Variants in CFAP20DC observed in about 807,000 individuals in gnomAD.
CFAP20DC encodes CFAP20 domain containing.
In CFAP20DC, 84 loss-of-function variants were observed where a neutral mutation model predicts 101.7. That is an observed-to-expected ratio of 0.83 (90% confidence interval 0.69 to 0.99). The LOEUF (loss-of-function observed/expected upper bound fraction) is 0.99. Among genes scored for constraint, CFAP20DC ranks in the 50% least tolerant of loss-of-function variants. The pLI, the probability that CFAP20DC is intolerant of heterozygous loss-of-function variation, is 0.00. For synonymous variants in CFAP20DC, 359 were observed against 351.2 expected (o/e 1.02, Z -0.25); for missense variants, 1,007 against 970.3 (o/e 1.04, Z -0.50).
chr3:58,863,447 T>C lies in CFAP20DC; in HGVS notation c.1593+111A>G. 1 of 1,496,096 alleles carries C rather than the reference T, an allele frequency of 6.7e-7. No homozygotes were observed. Among genetic ancestry groups the C allele is most frequent in the Non-Finnish European group, 8.9e-7 (1 of 1,125,368 alleles). The allele number at this position is 1,496,096 out of a possible 1,614,324, so 92.7% of individuals were successfully genotyped here. ...GGACTGACATGGCAATCTGTTGCAT[T>C]TTTATAAATAGCAGTTGATTTTCCC... On this transcript the variant is annotated intron_variant, in intron 12 of 16. Coordinates refer to ENST00000482387, the MANE Select transcript of CFAP20DC (RefSeq NM_001394063.1). This position sits in a 1 kb window ranked among gnomAD's most constrained non-coding sequence, Gnocchi z 5.9.
intron 12 of CFAP20DC, among the ~76,000 whole-genome samples, chr3:58,851,605 A>G (rs1342446233): frequency 6.6e-6 from 1 of 152,180 alleles, no homozygotes; most frequent in Non-Finnish European, 1.5e-5. Context: ...AAAAATATAA[A>G]CTTTATTTCT....
Position 58,795,325 on chromosome 3 carries a change from C to T in CFAP20DC, c.2237+11070G>A, listed in dbSNP as rs563873595. Among the ~76,000 whole-genome samples, 81 of 152,308 alleles carry T rather than the reference C, an allele frequency of 5.3e-4. 1 individual carries two copies. Among genetic ancestry groups the T allele is most frequent in the African/African-American group, 1.9e-3 (79 of 41,558 alleles). On this transcript the variant is annotated intron_variant, in intron 15 of 16. Transcript: ENST00000482387. The surrounding 1 kb of genome is among the most constrained non-coding windows in gnomAD (Gnocchi z 4.2). Reference sequence around the variant, plus strand: ...GAGGCTTCAGTAATCTCAGGAGCCCCGCTCTCCACTGGTTAAAGATGTCAA... The same window carrying T: ...GAGGCTTCAGTAATCTCAGGAGCCCTGCTCTCCACTGGTTAAAGATGTCAA...
chr3:58,759,980 C>G (rs1227353276), intron 15 of CFAP20DC, among the ~76,000 whole-genome samples: 2 of 152,116 alleles, frequency 1.3e-5, no homozygotes, highest in Non-Finnish European at 2.9e-5. Context: ...ATGCCTCCAG[C>G]TTTGTTCTTT....
chr3:58,995,476 G>A (rs2093088144), intron 4 of CFAP20DC, among the ~76,000 whole-genome samples: 1 of 151,626 alleles, frequency 6.6e-6, no homozygotes, highest in African/African-American at 2.4e-5. Context: ...ATTTTGAGTA[G>A]AAAAAAATCT....
intron 14 of CFAP20DC, among the ~76,000 whole-genome samples, chr3:58,825,110 T>A (rs1219006052): frequency 6.6e-6 from 1 of 152,026 alleles, no homozygotes; most frequent in East Asian, 1.9e-4. Flanking sequence ...ATGAAGGAGT[T>A]TATTTGGAAG....
chr3:58,826,634 C>G (rs2076059525), intron 14 of CFAP20DC, among the ~76,000 whole-genome samples: 1 of 152,196 alleles, frequency 6.6e-6, no homozygotes. Flanking sequence ...AGGACCTAAA[C>G]TCATCCGTAA....
chr3:58,870,493 T>C (rs1455267793), intron 7 of CFAP20DC, among the ~76,000 whole-genome samples, 184 bp from the exon 8 acceptor site: 1 of 150,208 alleles, frequency 6.7e-6, no homozygotes, highest in East Asian at 2.0e-4. Context: ...ACGTATAGAA[T>C]TAGGATCTCG....
At chr3:58,817,404 A>C (rs2107859617) in intron 14 of CFAP20DC, among the ~76,000 whole-genome samples, 1 of 150,588 alleles carries the variant, frequency 6.6e-6, no homozygotes, top group East Asian at 1.9e-4. Flanking sequence ...AAAATTTAGA[A>C]GAATGTATAA....
intron 15 of CFAP20DC, among the ~76,000 whole-genome samples, chr3:58,759,531 C>T (rs374043280): frequency 2.0e-5 from 3 of 152,138 alleles, no homozygotes; most frequent in Non-Finnish European, 2.9e-5. Flanking sequence ...AGAAGCTCTT[C>T]AGTTTAATTA....
Position 58,914,692 on chromosome 3 carries a change from A to AT in CFAP20DC, c.394-829dup, listed in dbSNP as rs557176306. Among the ~76,000 whole-genome samples, 3,967 of 147,966 alleles carry AT rather than the reference A, an allele frequency of 0.027. 174 individuals carry two copies. Among genetic ancestry groups the AT allele is most frequent in the African/African-American group, 0.09 (3,638 of 40,248 alleles). On this transcript the variant is annotated intron_variant, in intron 5 of 16. Coordinates refer to ENST00000482387, the MANE Select transcript of CFAP20DC (RefSeq NM_001394063.1). The surrounding 1 kb of genome is among the most constrained non-coding windows in gnomAD (Gnocchi z 4.9). ...TGTATATATAAATATATATATATAT[A>AT]TTTTTTTTCTTTTTTTTAAAGACAA...
intron 15 of CFAP20DC, among the ~76,000 whole-genome samples, chr3:58,755,557 A>C (rs541455812): frequency 6.6e-6 from 1 of 152,314 alleles, no homozygotes; most frequent in East Asian, 1.9e-4. Context: ...CAGTGGGGAA[A>C]GTGTAGGTGG....
intron 14 of CFAP20DC, among the ~76,000 whole-genome samples, chr3:58,816,539 T>A (rs2075165652): frequency 6.6e-6 from 1 of 152,160 alleles, no homozygotes; most frequent in Non-Finnish European, 1.5e-5. Context: ...CGGACGCATC[T>A]GGAAAATCGG....
At chr3:58,893,607 T>C (rs2082428697) in intron 6 of CFAP20DC, among the ~76,000 whole-genome samples, 1 of 152,144 alleles carries the variant, frequency 6.6e-6, no homozygotes, top group Non-Finnish European at 1.5e-5. Flanking sequence ...TCTTTTTTTG[T>C]GGTATATCTG....
intron 14 of CFAP20DC, among the ~76,000 whole-genome samples, chr3:58,808,677 T>A (rs1013268591): frequency 2.0e-5 from 3 of 152,152 alleles, no homozygotes; most frequent in African/African-American, 7.2e-5. Flanking sequence ...AATAACCAGC[T>A]AACATCATAA....
At chr3:58,910,380 G>A (rs946302817) in intron 6 of CFAP20DC, among the ~76,000 whole-genome samples, 1 of 152,090 alleles carries the variant, frequency 6.6e-6, no homozygotes, top group Admixed American at 6.6e-5. Flanking sequence ...TAGATTGGAT[G>A]CATATAGAAC....
chr3:58,966,474 G>GTATATATATATA (rs60270814), intron 4 of CFAP20DC, among the ~76,000 whole-genome samples: 29 of 114,702 alleles, frequency 2.5e-4, no homozygotes, highest in African/African-American at 7.0e-4. Flanking sequence ...ATACATATGT[G>GTATATATATATA]TATATATATA....
intron 4 of CFAP20DC, among the ~76,000 whole-genome samples, chr3:59,033,905 C>A (rs895614108): frequency 2.0e-5 from 3 of 152,140 alleles, no homozygotes; most frequent in Non-Finnish European, 1.5e-5. Context: ...TTATCAGATT[C>A]TCCAAGGCTG....
chr3:58,826,787 A>G (rs1159842717), intron 14 of CFAP20DC, among the ~76,000 whole-genome samples: 1 of 152,214 alleles, frequency 6.6e-6, no homozygotes, highest in Non-Finnish European at 1.5e-5. Context: ...AGGAATTCAC[A>G]ACCAGGCCTG....
At chr3:58,927,173 T>C (rs2086079529) in intron 5 of CFAP20DC, among the ~76,000 whole-genome samples, 1 of 152,190 alleles carries the variant, frequency 6.6e-6, no homozygotes, top group Admixed American at 6.5e-5. Flanking sequence ...AAAAATAACA[T>C]GAAATATAAA....
Sources: allele counts gnomAD v4.1 joint callset (sites outside exome capture counted in the v4.1 genomes callset), GRCh38; gene constraint gnomAD v4.1.1; non-coding constraint Gnocchi (gnomAD v3.1); transcripts MANE v1.5; gene names NCBI Gene and HGNC (gene_info 2026-07-23, HGNC 2026-07-21).